The following SEMA3G variants were observed in gnomAD, a reference collection of about 807,000 sequenced individuals.
SEMA3G encodes the protein semaphorin 3G, also known as semaphorin-3G.
In SEMA3G, 70 loss-of-function variants were observed where a neutral mutation model predicts 86.2. The ratio of observed to expected loss-of-function variants is 0.81; its 90% CI spans 0.67 to 0.99. The LOEUF is 0.99. Among genes scored for constraint, SEMA3G ranks in the 50% least tolerant of loss-of-function variants. The probability of loss-of-function intolerance (pLI) is 0.00; values close to 1 mark genes in which losing one functional copy is unlikely to be tolerated. For synonymous variants in SEMA3G, 416 were observed against 441.4 expected (o/e 0.94, Z 0.72); for missense variants, 1,002 against 1,072.4 (o/e 0.93, Z 0.92).
chr3:52,437,896 A>G (rs1706074990), intron 14 of SEMA3G, 75 bp downstream of exon 14: 2 of 1,356,266 alleles, frequency 1.5e-6, no homozygotes, highest in Middle Eastern at 1.9e-4. Context: ...CTGAGAATGC[A>G]CTTCGCAGGG....
chr3:52,439,712 C>G lies in SEMA3G; in HGVS notation c.1435G>C (p.Glu479Gln). The change falls in exon 12 of 16, where the codon GAA becomes CAA. Residue 479 changes from glutamate to glutamine, a missense_variant. By Grantham distance (29) the Glu-to-Gln change is conservative. Transcript: ENST00000231721. ...LQAGGSAEPE[E>Q]VVLEELQVFK... ...ACCTGGAGCTCCTCCAGAACCACTT[C>G]CTCAGGTTCAGCTGAGCCCCCTGCC... 1.2e-6 allele frequency: 2 copies of G among 1,614,068 alleles called. No homozygotes were observed. The highest frequency in any genetic ancestry group is 1.7e-6 in the Non-Finnish European group (2 of 1,180,024).
chr3:52,443,011 C>T (rs1479845177), intron 1 of SEMA3G, 104 bp from the exon 2 acceptor site: 1 of 1,544,732 alleles, frequency 6.5e-7, no homozygotes, highest in East Asian at 2.4e-5. Context: ...CCCTGACACA[C>T]TCACATCTGG....
intron 15 of SEMA3G, 105 bp downstream of exon 15, chr3:52,437,422 G>T: frequency 1.6e-6 from 2 of 1,249,806 alleles, no homozygotes; most frequent in South Asian, 1.6e-5. Context: ...GTTAATCTTG[G>T]CAGATTCCCC....
chr3:52,443,391 G>A (rs1002608598), intron 1 of SEMA3G, among the ~76,000 whole-genome samples: 10 of 152,172 alleles, frequency 6.6e-5, no homozygotes, highest in East Asian at 3.9e-4. Flanking sequence ...AGGTATGGCC[G>A]GGAAGGGCTC....
chr3:52,437,666 T>C lies in SEMA3G; in HGVS notation c.1739A>G (p.Glu580Gly). ...ALQCLGQSQE[E>G]EAVGLVAATM... ...GGCTGCCACAAGTCCCACTGCCTCTTCTGGAGAGAGGCAGAGGTTGGCTCA... is the reference window on the plus strand; with the variant it reads ...GGCTGCCACAAGTCCCACTGCCTCTCCTGGAGAGAGGCAGAGGTTGGCTCA... Residue 580 changes from glutamate to glycine, a missense_variant and splice_region_variant, in exon 15 of 16, where the codon GAA becomes GGA. Physicochemically the swap from Glu to Gly is moderately conservative, Grantham distance 98. Coordinates refer to ENST00000231721, the MANE Select transcript of SEMA3G (RefSeq NM_020163.3). 2 of 1,608,418 alleles carry C rather than the reference T, an allele frequency of 1.2e-6. No individual in the cohort carries two copies. The highest frequency in any genetic ancestry group is 1.7e-6 in the Non-Finnish European group (2 of 1,176,304).
At position 52,442,942 on chromosome 3, in the gene SEMA3G, C is replaced by T. The variant is rs1706188192; in HGVS notation, c.116-35G>A. The T allele has an allele frequency of 1.3e-6, 2 of 1,562,816 alleles. No homozygotes were observed. The highest frequency in any genetic ancestry group is 1.7e-6 in the Non-Finnish European group (2 of 1,153,702). On this transcript the variant is annotated intron_variant, in intron 1 of 15. Transcript: ENST00000231721. This position sits in a 1 kb window ranked among gnomAD's most constrained non-coding sequence, Gnocchi z 6.1. ...TGTATGGGGAGGCAGATCAGGGCCA[C>T]AGCTCAGCCTAGTTCCCCAGCCAAG...
intron 5 of SEMA3G, 29 bp downstream of exon 5, chr3:52,441,790 G>C (rs1453098824): frequency 1.2e-6 from 2 of 1,602,314 alleles, no homozygotes; most frequent in South Asian, 1.1e-5. Context: ...CACCCTCCCT[G>C]TTCTCACCCT....
chr3:52,442,099 C>A lies in SEMA3G; in HGVS notation c.459+86G>T. On this transcript the variant is annotated intron_variant, in intron 4 of 15. Coordinates refer to ENST00000231721, the MANE Select transcript of SEMA3G (RefSeq NM_020163.3). The surrounding 1 kb of genome is among the most constrained non-coding windows in gnomAD (Gnocchi z 6.1). ...CTTTCAGGCCCCTGCCCCTCTGTCC[C>A]TACCCAGGCTCAATGGGAATGTTCA... 1 of 1,516,386 alleles carries A rather than the reference C, an allele frequency of 6.6e-7. No homozygotes were observed. Among genetic ancestry groups the A allele is most frequent in the Non-Finnish European group, 8.9e-7 (1 of 1,125,280 alleles). 93.9% of individuals were successfully genotyped at this position (1,516,386 alleles called of 1,614,324 possible).
In SEMA3G at chr3:52,437,277, C is replaced by T. The variant is rs1213787532; in HGVS notation, c.1878+250G>A. 2.6e-5 allele frequency among the ~76,000 whole-genome samples: 4 copies of T among 152,186 alleles called. No homozygotes were observed. In the East Asian group the frequency reaches 5.8e-4, roughly 22 times the overall value. ...GGGAGACTTACTGGCCTGCCCAGAC[C>T]CTCTTCTCTCTCTTCCATCACCCAC... is the stretch of plus-strand genomic sequence containing the variant. On this transcript the variant is annotated intron_variant, in intron 15 of 15. Transcript: ENST00000231721.
chr3:52,439,063 C>T, intron 12 of SEMA3G, 102 bp from the exon 13 acceptor site: 1 of 1,304,020 alleles, frequency 7.7e-7, no homozygotes, highest in African/African-American at 1.5e-5. Context: ...AACCACCTAG[C>T]TCCCAGGCTG....
At chr3:52,440,221 C>T (rs944112744) in intron 10 of SEMA3G, 123 bp from the exon 11 acceptor site, 1 of 1,180,722 alleles carries the variant, frequency 8.5e-7, no homozygotes, top group East Asian at 2.6e-5. Context: ...TCCTCTTCCA[C>T]TACACCCACC....
In SEMA3G at chr3:52,442,321, G is replaced by A; in HGVS notation, c.340-17C>T. On this transcript the variant is annotated splice_polypyrimidine_tract_variant and intron_variant, in intron 3 of 15. Coordinates refer to ENST00000231721, the MANE Select transcript of SEMA3G (RefSeq NM_020163.3). This position sits in a 1 kb window ranked among gnomAD's most constrained non-coding sequence, Gnocchi z 6.1. ...GCACTCTGTCTGCGGGGAGAAGGAGGGGGTGGTTGAGGGGTGAGAGGGGGT... is the reference window on the plus strand; with the variant it reads ...GCACTCTGTCTGCGGGGAGAAGGAGAGGGTGGTTGAGGGGTGAGAGGGGGT... The A allele has an allele frequency of 6.2e-7, 1 of 1,613,000 alleles. No individual in the cohort carries two copies. Among genetic ancestry groups the A allele is most frequent in the Non-Finnish European group, 8.5e-7 (1 of 1,179,598 alleles).
intron 12 of SEMA3G, 130 bp from the exon 13 acceptor site, chr3:52,439,091 C>A: frequency 2.1e-6 from 2 of 933,182 alleles, no homozygotes; most frequent in Non-Finnish European, 3.3e-6. Flanking sequence ...CACTCCCTGG[C>A]AGCTAAGGCT....
At chr3:52,440,255 G>A in intron 10 of SEMA3G, 122 bp downstream of exon 10, 1 of 1,155,600 alleles carries the variant, frequency 8.7e-7, no homozygotes, top group East Asian at 2.5e-5. Context: ...GCCCTCTGGA[G>A]CCCAGGCTTG....
In SEMA3G at chr3:52,440,809, G is replaced by T. The variant is rs200983419; in HGVS notation, c.943C>A (p.Leu315Met). The T allele has an allele frequency of 6.2e-7, 1 of 1,612,720 alleles. No homozygotes were observed. Among genetic ancestry groups the T allele is most frequent in the Non-Finnish European group, 8.5e-7 (1 of 1,179,942 alleles). ...HFDQLEDVFL[L>M]WPKAGKSLEV... Reference sequence around the variant, plus strand: ...AGGCTCTTCCCGGCCTTGGGCCACAGCAGGAACACATCCTCTGGGGTAGAG... The same window carrying T: ...AGGCTCTTCCCGGCCTTGGGCCACATCAGGAACACATCCTCTGGGGTAGAG... Residue 315 changes from leucine (L) to methionine (M), a missense_variant, in exon 9 of 16, where the codon CTG becomes ATG. Leu to Met is a conservative substitution (Grantham distance 15, BLOSUM62 2). Coordinates refer to ENST00000231721, the MANE Select transcript of SEMA3G (RefSeq NM_020163.3).
intron 9 of SEMA3G, 105 bp from the exon 10 acceptor site, chr3:52,440,626 C>A: frequency 6.8e-7 from 1 of 1,470,872 alleles, no homozygotes; most frequent in South Asian, 1.3e-5. Context: ...CTGCAGCAAG[C>A]AGAGACTCCG....
In SEMA3G at chr3:52,441,564, C is replaced by A; in HGVS notation, c.667+10G>T. ...TCTTCACCCCTGCCAGTTCCAGGGG[C>A]AGGCCTCACCGTGCAAGAGACTCTG... On this transcript the variant is annotated intron_variant, in intron 6 of 15. Coordinates refer to ENST00000231721, the MANE Select transcript of SEMA3G (RefSeq NM_020163.3). 6.2e-7 allele frequency: 1 copy of A among 1,609,732 alleles called. No individual in the cohort carries two copies. Among genetic ancestry groups the A allele is most frequent in the Non-Finnish European group, 8.5e-7 (1 of 1,176,668 alleles).
At chr3:52,444,841 C>T (rs892524412) in intron 1 of SEMA3G, 72 bp downstream of exon 1, 13 of 1,160,648 alleles carry the variant, frequency 1.1e-5, no homozygotes, top group Non-Finnish European at 4.4e-6. Flanking sequence ...AAACACGGCA[C>T]ATGCACCCAA....
In SEMA3G at chr3:52,435,767, C is replaced by A. The variant is rs1391694028; in HGVS notation, c.2185G>T (p.Val729Leu). 1.2e-6 allele frequency: 2 copies of A among 1,614,136 alleles called. No homozygotes were observed. The highest frequency in any genetic ancestry group is 2.2e-5 in the South Asian group (2 of 91,082). Reference sequence around the variant, plus strand: ...CATTCCGTGGTGCCCCTGCACCACACGCGCTCACAGTACTCATCCACCCGG... The same window carrying A: ...CATTCCGTGGTGCCCCTGCACCACAAGCGCTCACAGTACTCATCCACCCGG... ...LPRVDEYCER[V>L]WCRGTTECSG... is the part of the protein sequence containing the mutation. Residue 729 changes from valine (V) to leucine (L), a missense_variant, in exon 16 of 16, where the codon GTG becomes TTG. Coordinates refer to ENST00000231721, the MANE Select transcript of SEMA3G (RefSeq NM_020163.3).
Sources: gnomAD v4.1 joint callset for allele counts (sites outside exome capture counted in the v4.1 genomes callset) on GRCh38, gnomAD v4.1.1 for gene constraint, Gnocchi (gnomAD v3.1) non-coding constraint, MANE v1.5 for transcripts, NCBI Gene and HGNC (gene_info 2026-07-23, HGNC 2026-07-21) for gene names.